ZFHX4: variants seen among roughly 807,000 people sequenced by gnomAD.
ZFHX4 encodes the protein zinc finger homeobox protein 4.
Under a neutral mutation model 267.6 loss-of-function variants are expected in ZFHX4, and 56 were observed. The observed-to-expected ratio is 0.21, with a 90% CI of 0.17 to 0.26. The LOEUF is 0.26. Ranked by LOEUF, ZFHX4 falls within the 10% of genes least tolerant of loss-of-function variation. The pLI is 1.00. For missense variants in ZFHX4, 4,332 were observed against 4,420.0 expected (o/e 0.98, Z 0.56); for synonymous variants, 1,778 against 1,665.6 (o/e 1.07, Z -1.64).
At chr8:76,696,528 G>A (rs1468850433) in intron 1 of ZFHX4, among the ~76,000 whole-genome samples, 5 of 150,572 alleles carry the variant, frequency 3.3e-5, no homozygotes, top group Admixed American at 2.7e-4. Context: ...ATGGTTGACG[G>A]TTGTTTATAA....
rs775483953 is a variant in ZFHX4, at chr8:76,855,923, G to T, written c.9002G>T (p.Gly3001Val). The T allele has an allele frequency of 1.4e-4, 230 of 1,613,896 alleles. No homozygotes were observed. The Middle Eastern group carries it at 1.5e-3, about 10-fold the overall frequency. ...AAGCCTTTCATGATCAATCAAGGCG[G>T]AACGGAAGGCACCAAACCAGAGTGT... Reference protein sequence around the residue: ...IGKPFMINQGGTEGTKPECTL... With the variant: ...IGKPFMINQGVTEGTKPECTL... Residue 3001 changes from glycine to valine, a missense_variant, in exon 10 of 11, where the codon GGA becomes GTA. Gly to Val is a moderately radical substitution (Grantham distance 109, BLOSUM62 -3). Around this residue, in one of 7 missense-constraint regions of ZFHX4, gnomAD observed 1,648 missense variants for 1,625.0 expected, o/e 1.01. Coordinates refer to ENST00000651372, the MANE Select transcript of ZFHX4 (RefSeq NM_024721.5).
chr8:76,773,970 A>AT (rs977790350), intron 3 of ZFHX4, among the ~76,000 whole-genome samples: 1 of 152,102 alleles, frequency 6.6e-6, no homozygotes, highest in African/African-American at 2.4e-5. Flanking sequence ...GAAACTAAGA[A>AT]TTCTGTCCTC....
chr8:76,858,699 T>C (rs1812793784), intron 10 of ZFHX4, among the ~76,000 whole-genome samples: 1 of 152,212 alleles, frequency 6.6e-6, no homozygotes, highest in Non-Finnish European at 1.5e-5. Context: ...TTTTCTACTG[T>C]ATTATCTGTC....
chr8:76,812,188 G>T (rs1811395174), intron 4 of ZFHX4, among the ~76,000 whole-genome samples: 3 of 152,106 alleles, frequency 2.0e-5, no homozygotes, highest in African/African-American at 7.2e-5. Context: ...TTGCTTTTTG[G>T]TATAAAACTT....
At chr8:76,783,236 G>A (rs767466245) in intron 4 of ZFHX4, among the ~76,000 whole-genome samples, 3 of 151,980 alleles carry the variant, frequency 2.0e-5, no homozygotes, top group Non-Finnish European at 2.9e-5. Flanking sequence ...AGGGAGAAAG[G>A]CAGTCTTTTA....
chr8:76,719,412 C>T (rs1345923562), intron 3 of ZFHX4, among the ~76,000 whole-genome samples: 3 of 151,806 alleles, frequency 2.0e-5, no homozygotes, highest in African/African-American at 4.8e-5. Flanking sequence ...TCTGTATGTA[C>T]ACATGACTAA....
chr8:76,740,294 T>A (rs1484802818), intron 3 of ZFHX4, among the ~76,000 whole-genome samples: 1 of 133,918 alleles, frequency 7.5e-6, no homozygotes. Context: ...AAGAAAGGAG[T>A]AGGAGATAGG....
intron 3 of ZFHX4, among the ~76,000 whole-genome samples, chr8:76,710,073 A>C (rs1182696667): frequency 6.6e-6 from 1 of 152,184 alleles, no homozygotes; most frequent in Non-Finnish European, 1.5e-5. Flanking sequence ...AATCATATAA[A>C]AATTTATTCT....
intron 4 of ZFHX4, among the ~76,000 whole-genome samples, chr8:76,805,472 A>G (rs1335477451): frequency 1.3e-5 from 2 of 152,114 alleles, no homozygotes; most frequent in Admixed American, 1.3e-4. Context: ...ATTTACTTCC[A>G]CTGAGGCTGA....
Position 76,727,629 on chromosome 8 carries a change from A to G in ZFHX4, c.3093+19581A>G, listed in dbSNP as rs181847289. Among the ~76,000 whole-genome samples, 27 of 152,302 alleles carry G rather than the reference A, an allele frequency of 1.8e-4. No individual in the cohort carries two copies. The East Asian group carries it at 5.2e-3, about 29-fold the overall frequency. ...GCTAAAACAACTTTTGGAACTTGAC[A>G]ATTCATAGTAGTCTACCATAAAACA... On this transcript the variant is annotated intron_variant, in intron 3 of 10. Transcript: ENST00000651372.
At chr8:76,691,148 G>A (rs1807814824) in intron 1 of ZFHX4, among the ~76,000 whole-genome samples, 1 of 152,070 alleles carries the variant, frequency 6.6e-6, no homozygotes, top group Non-Finnish European at 1.5e-5. Context: ...TGGAGATGGT[G>A]AAGAGTTGGA....
At chr8:76,755,883 A>G (rs967273631) in intron 3 of ZFHX4, among the ~76,000 whole-genome samples, 15 of 152,274 alleles carry the variant, frequency 9.9e-5, no homozygotes, top group African/African-American at 3.6e-4. Flanking sequence ...TACTGATAAT[A>G]TGAGAGAGGT....
chr8:76,732,464 AC>A (rs944648190), intron 3 of ZFHX4, among the ~76,000 whole-genome samples: 4 of 151,988 alleles, frequency 2.6e-5, no homozygotes, highest in African/African-American at 9.6e-5. Flanking sequence ...AATAACAGCT[AC>A]ATTATTATAA....
chr8:76,787,749 G>A (rs1415819482), intron 4 of ZFHX4, among the ~76,000 whole-genome samples: 2 of 151,876 alleles, frequency 1.3e-5, no homozygotes, highest in African/African-American at 2.4e-5. Context: ...GGAGGCAGAG[G>A]TTGCGGTGAG....
At chr8:76,721,236 AATG>A (rs1808713917) in intron 3 of ZFHX4, among the ~76,000 whole-genome samples, 2 of 152,210 alleles carry the variant, frequency 1.3e-5, no homozygotes, top group Non-Finnish European at 2.9e-5. Context: ...ATAAAGTCTG[AATG>A]TGAATCATTT....
chr8:76,794,940 T>A (rs1230170528), intron 4 of ZFHX4, among the ~76,000 whole-genome samples: 1 of 151,462 alleles, frequency 6.6e-6, no homozygotes, highest in Non-Finnish European at 1.5e-5. Context: ...TCAGTTGAAG[T>A]CCATCTCAGT....
At chr8:76,823,286 C>T (rs1033028108) in intron 4 of ZFHX4, among the ~76,000 whole-genome samples, 2 of 152,112 alleles carry the variant, frequency 1.3e-5, no homozygotes, top group African/African-American at 4.8e-5. Context: ...CATACAGGCA[C>T]AGGAAAAAAT....
chr8:76,777,545 A>G (rs531224022), intron 3 of ZFHX4, among the ~76,000 whole-genome samples: 16 of 152,304 alleles, frequency 1.1e-4, no homozygotes, highest in Middle Eastern at 6.8e-3. Flanking sequence ...AGTTTATTCC[A>G]TGCATGCAGA....
Position 76,854,632 on chromosome 8 carries a change from C to T in ZFHX4, c.7711C>T (p.Pro2571Ser). 6.2e-7 allele frequency: 1 copy of T among 1,613,678 alleles called. No individual in the cohort carries two copies. Among genetic ancestry groups the T allele is most frequent in the Non-Finnish European group, 8.5e-7 (1 of 1,179,864 alleles). ...PQASSSHTTA[P>S]TTVAASLKRK... The stretch of plus-strand genomic sequence containing the variant: ...GGCCAGTTCCTCCCACACCACAGCC[C>T]CCACAACGGTTGCTGCTTCCCTAAA... The change falls in exon 10 of 11, where the codon CCC becomes TCC. Residue 2571 changes from proline (P) to serine (S), a missense_variant. By Grantham distance (74) the Pro-to-Ser change is moderately conservative. Around this residue, in one of 7 missense-constraint regions of ZFHX4, gnomAD observed 1,648 missense variants for 1,625.0 expected, o/e 1.01. Coordinates refer to ENST00000651372, the MANE Select transcript of ZFHX4 (RefSeq NM_024721.5).
Sources: gnomAD v4.1 joint callset for allele counts (sites outside exome capture counted in the v4.1 genomes callset) on GRCh38, gnomAD v4.1.1 for gene constraint, gnomAD v4.1.1 regional missense constraint, MANE v1.5 for transcripts, NCBI Gene and HGNC (gene_info 2026-07-23, HGNC 2026-07-21) for gene names.